The following KIF1A variants were observed in gnomAD, a reference collection of about 807,000 sequenced individuals.
The protein encoded by KIF1A is kinesin-like protein KIF1A.
A neutral mutation model predicts 227.3 loss-of-function variants in KIF1A; 46 were observed. The observed-to-expected ratio is 0.20, with a 90% CI of 0.16 to 0.26. The LOEUF (loss-of-function observed/expected upper bound fraction) is 0.26. KIF1A is among the 10% of genes least tolerant of loss of function. The pLI is 1.00. For missense variants in KIF1A, 1,683 were observed against 2,485.9 expected (o/e 0.68, Z 6.87); for synonymous variants, 1,022 against 1,012.8 (o/e 1.01, Z -0.17).
Position 240,740,125 on chromosome 2 carries a change from A to C in KIF1A, c.3834T>G (p.Ile1278Met). 6.3e-7 allele frequency: 1 copy of C among 1,590,274 alleles called. No individual in the cohort carries two copies. Among genetic ancestry groups the C allele is most frequent in the Non-Finnish European group, 8.6e-7 (1 of 1,168,816 alleles). ...CTGTCTCATGCAGTAGTGTCACCGTAATCCGTCGCTGGATGCCCTGCCGGT... is the reference window on the plus strand; with the variant it reads ...CTGTCTCATGCAGTAGTGTCACCGTCATCCGTCGCTGGATGCCCTGCCGGT... ...FLLHQGIQRR[I>M]TVTLLHETGS... The change falls in exon 37 of 49, where the codon ATT (isoleucine) becomes ATG (methionine). Residue 1278 changes from isoleucine to methionine, a missense_variant. By Grantham distance (10) the Ile-to-Met change is conservative (BLOSUM62 1). Transcript: ENST00000498729. The surrounding 1 kb of genome is among the most constrained non-coding windows in gnomAD (Gnocchi z 6.1).
chr2:240,740,496 G>C lies in KIF1A; in HGVS notation c.3750-132C>G, dbSNP rs2047830616. On this transcript the variant is annotated intron_variant, in intron 35 of 48. Coordinates refer to ENST00000498729, the MANE Select transcript of KIF1A (RefSeq NM_001244008.2). The surrounding 1 kb of genome is among the most constrained non-coding windows in gnomAD (Gnocchi z 6.1). ...CCCTCTGGTGAAGATCAGGTGGTCT[G>C]ATCCATGGAGACCACGGTCAGCTGA... is the stretch of plus-strand genomic sequence containing the variant. 5 of 728,582 alleles carry C rather than the reference G, an allele frequency of 6.9e-6. No individual in the cohort carries two copies. Among genetic ancestry groups the C allele is most frequent in the Non-Finnish European group, 1.2e-5 (5 of 419,614 alleles). 45.1% of individuals were successfully genotyped at this position (728,582 alleles called of 1,614,324 possible).
rs1344418360 is a variant in KIF1A, at chr2:240,736,540, C to G, written c.4007+523G>C. 6.6e-6 allele frequency among the ~76,000 whole-genome samples: 1 copy of G among 152,216 alleles called. No individual in the cohort carries two copies. The highest frequency in any genetic ancestry group is 1.5e-5 in the Non-Finnish European group (1 of 68,036). On this transcript the variant is annotated intron_variant, in intron 38 of 48. Transcript: ENST00000498729. The surrounding 1 kb of genome is among the most constrained non-coding windows in gnomAD (Gnocchi z 4.7). The stretch of plus-strand genomic sequence containing the variant: ...CATCCCAGAGCGCCAAAACCCCAGC[C>G]TAAATGCGGTCGGGCTGGGACCGCC...
At chr2:240,770,913 C>T (rs1054613973) in intron 15 of KIF1A, 58 bp downstream of exon 15, 1 of 1,591,008 alleles carries the variant, frequency 6.3e-7, no homozygotes, top group African/African-American at 1.3e-5. Flanking sequence ...CTCTCTAACT[C>T]CTCCGAGCTC....
At chr2:240,749,724 G>A (rs2049004522) in intron 28 of KIF1A, among the ~76,000 whole-genome samples, 1 of 148,472 alleles carries the variant, frequency 6.7e-6, no homozygotes, top group Non-Finnish European at 1.5e-5. Context: ...GTTTACATGT[G>A]AGCAAACCAA....
intron 46 of KIF1A, 136 bp downstream of exon 46, chr2:240,719,638 G>T (rs753375164): frequency 1.9e-6 from 2 of 1,045,910 alleles, no homozygotes; most frequent in Non-Finnish European, 2.7e-6. Context: ...TGAACCTCCA[G>T]TATGGGCATC....
At position 240,748,677 on chromosome 2, in the gene KIF1A, G is replaced by C. The variant is rs1357292136; in HGVS notation, c.2978-1356C>G. The stretch of plus-strand genomic sequence containing the variant: ...GTAAACACCCCACCTTCCAGCAGCA[G>C]GGCTGGGGCCCTTCCCTGGTGTTCA... On this transcript the variant is annotated intron_variant, in intron 28 of 48. Coordinates refer to ENST00000498729, the MANE Select transcript of KIF1A (RefSeq NM_001244008.2). 2.4e-5 allele frequency: 8 copies of C among 329,850 alleles called. No homozygotes were observed. In the Admixed American group the frequency reaches 3.2e-4, roughly 13 times the overall value. 20.4% of individuals were successfully genotyped at this position (329,850 alleles called of 1,614,324 possible). A position where few individuals can be genotyped will look rare whatever the true frequency, so the allele number is the denominator to read the frequency against.
chr2:240,721,838 C>A lies in KIF1A; in HGVS notation c.4712G>T (p.Ser1571Ile). Residue 1571 changes from serine to isoleucine, a missense_variant, in exon 44 of 49, where the codon AGC becomes ATC. This residue lies in a region of KIF1A where 384 missense variants were observed against 410.1 expected (regional missense o/e 0.94). Transcript: ENST00000498729. ...CTCGCTGGCACTGACGCAGACGTGGCTGTGTGTGTACTCTCTGTTGAATGT... is the reference window on the plus strand; with the variant it reads ...CTCGCTGGCACTGACGCAGACGTGGATGTGTGTGTACTCTCTGTTGAATGT... ...THTFNREYTH[S>I]HVCVSASESK... The A allele has an allele frequency of 6.2e-7, 1 of 1,607,432 alleles. No homozygotes were observed. The highest frequency in any genetic ancestry group is 8.5e-7 in the Non-Finnish European group (1 of 1,179,396).
At chr2:240,719,336 A>G (rs2044980609) in intron 46 of KIF1A, 138 bp from the exon 47 acceptor site, 1 of 965,646 alleles carries the variant, frequency 1.0e-6, no homozygotes, top group South Asian at 1.8e-5. Flanking sequence ...GAGGCATCGA[A>G]GGGCACCTGG....
rs2047688765 is a variant in KIF1A, at chr2:240,739,243, A to G, written c.3901+815T>C. Among the ~76,000 whole-genome samples the G allele has an allele frequency of 6.6e-6, 1 of 152,254 alleles. No homozygotes were observed. The highest frequency in any genetic ancestry group is 1.5e-5 in the Non-Finnish European group (1 of 68,050). ...GGCAAGGCAGGGCTGGGCTGGCCTC[A>G]TGCTAGTGACACACTTGAATGGATG... On this transcript the variant is annotated intron_variant, in intron 37 of 48. Coordinates refer to ENST00000498729, the MANE Select transcript of KIF1A (RefSeq NM_001244008.2). This position sits in a 1 kb window ranked among gnomAD's most constrained non-coding sequence, Gnocchi z 5.6.
chr2:240,751,292 G>A (rs1214297316), intron 27 of KIF1A, among the ~76,000 whole-genome samples: 5 of 152,136 alleles, frequency 3.3e-5, no homozygotes, highest in South Asian at 2.1e-4. Flanking sequence ...AAGACCCCAC[G>A]CCACACAGCC....
rs537893174 is a variant in KIF1A, at chr2:240,722,482, C to T, written c.4639G>A (p.Glu1547Lys). Residue 1547 changes from glutamate to lysine, a missense_variant, in exon 43 of 49, where the codon GAG becomes AAG. Glu to Lys is a moderately conservative substitution (Grantham distance 56). Coordinates refer to ENST00000498729, the MANE Select transcript of KIF1A (RefSeq NM_001244008.2). The stretch of plus-strand genomic sequence containing the variant: ...TTGACGGCCAGCTCCCGCTGCCTCT[C>T]GTTGGGAGCCTCCAGGGGTGATGGG... ...GRPSPLEAPN[E>K]RQRELAVKCL... The T allele has an allele frequency of 1.5e-5, 23 of 1,547,284 alleles. No individual in the cohort carries two copies. The highest frequency in any genetic ancestry group is 7.1e-5 in the South Asian group (6 of 83,958).
chr2:240,773,523 A>G (rs546909378), intron 12 of KIF1A, among the ~76,000 whole-genome samples: 1 of 152,300 alleles, frequency 6.6e-6, no homozygotes, highest in Admixed American at 6.5e-5. Flanking sequence ...ACTGAGGCCC[A>G]GGTGAGAAGG....
At chr2:240,809,597 C>T (rs769086212) in intron 1 of KIF1A, among the ~76,000 whole-genome samples, 1 of 151,618 alleles carries the variant, frequency 6.6e-6, no homozygotes, top group Non-Finnish European at 1.5e-5. Context: ...TTAAAGACCT[C>T]TATGTTAACA....
intron 1 of KIF1A, among the ~76,000 whole-genome samples, chr2:240,812,635 T>A (rs796354090): frequency 6.1e-4 from 29 of 47,676 alleles, no homozygotes; most frequent in African/African-American, 7.3e-4. Flanking sequence ...CCTTCACCTC[T>A]GGGTCCGCCT....
intron 38 of KIF1A, among the ~76,000 whole-genome samples, chr2:240,733,806 C>T (rs2125696880): frequency 6.6e-6 from 1 of 152,352 alleles, no homozygotes; most frequent in African/African-American, 2.4e-5. Flanking sequence ...CAGTTCACTT[C>T]ACAAACGCCA....
chr2:240,786,802 T>TCAGGACCCCTGAGTGAGAGGGTGGGG (rs1559530234), intron 5 of KIF1A, among the ~76,000 whole-genome samples: 1 of 30,280 alleles, frequency 3.3e-5, no homozygotes, highest in African/African-American at 1.1e-4. Context: ...GGGTGGGGGC[T>TCAGGACCCCTGAGTGAGAGGGTGGGG]GCCATCAGGA....
intron 7 of KIF1A, among the ~76,000 whole-genome samples, chr2:240,784,359 G>A (rs184774245): frequency 1.0e-3 from 158 of 152,252 alleles, no homozygotes; most frequent in Non-Finnish European, 1.7e-3. Flanking sequence ...ACTTGCCCAC[G>A]GACACCACAG....
At chr2:240,724,352 T>C in intron 40 of KIF1A, 1 of 433,128 alleles carries the variant, frequency 2.3e-6, no homozygotes, top group East Asian at 4.8e-5. Flanking sequence ...GCATCTGGCA[T>C]CTCCAGTCCC....
rs547345777 is a variant in KIF1A, at chr2:240,727,302, G to C, written c.4008-362C>G. On this transcript the variant is annotated intron_variant, in intron 38 of 48. Coordinates refer to ENST00000498729, the MANE Select transcript of KIF1A (RefSeq NM_001244008.2). ...GCAGGACAGGGAGCTGGGATGTGGG[G>C]AACACAGGGAAGGGAGAGGGGAGGG... Among the ~76,000 whole-genome samples the C allele has an allele frequency of 1.1e-3, 161 of 152,292 alleles. 2 individuals carry two copies. The highest frequency in any genetic ancestry group is 0.011 in the Admixed American group (161 of 15,300).
Sources: gnomAD v4.1 joint callset for allele counts (sites outside exome capture counted in the v4.1 genomes callset) on GRCh38, gnomAD v4.1.1 for gene constraint, gnomAD v4.1.1 regional missense constraint, Gnocchi (gnomAD v3.1) non-coding constraint, MANE v1.5 for transcripts, NCBI Gene and HGNC (gene_info 2026-07-23, HGNC 2026-07-21) for gene names.